GCM2: variants seen among roughly 807,000 people sequenced by gnomAD.
The protein encoded by GCM2 is chorion-specific transcription factor GCMb.
GCM2 carries 21 observed loss-of-function variants against 24.8 expected under a neutral mutation model. That is an observed-to-expected ratio of 0.85 (90% CI 0.60 to 1.22). GCM2 has a LOEUF of 1.22. Ranked by LOEUF, GCM2 falls within the 50% of genes most tolerant of loss-of-function variation. The pLI is 0.00. For missense variants in GCM2, 532 were observed against 645.6 expected (o/e 0.82, Z 1.91); for synonymous variants, 222 against 238.0 (o/e 0.93, Z 0.62).
chr6:10,881,724 T>C lies in GCM2; in HGVS notation c.70A>G (p.Asn24Asp). The change falls in exon 1 of 5, where the codon AAC (asparagine) becomes GAC (aspartate). Residue 24 changes from asparagine to aspartate, a missense_variant. By Grantham distance (23) the Asn-to-Asp change is conservative. Coordinates refer to ENST00000379491, the MANE Select transcript of GCM2 (RefSeq NM_004752.4). The stretch of plus-strand genomic sequence containing the variant: ...CTTACCTGAGGCATCTGCGGATCGT[T>C]GATGTCCCAGCTGAGCTGCATCCCG... ...SYGMQLSWDINDPQMPQELAL... is the reference protein window; with the variant it reads ...SYGMQLSWDIDDPQMPQELAL... 1.1e-5 allele frequency: 18 copies of C among 1,611,860 alleles called. No homozygotes were observed. Among genetic ancestry groups the C allele is most frequent in the Non-Finnish European group, 1.5e-5 (18 of 1,179,866 alleles).
chr6:10,879,227 T>C (rs571600071), intron 1 of GCM2, among the ~76,000 whole-genome samples: 4 of 152,218 alleles, frequency 2.6e-5, no homozygotes, highest in South Asian at 2.1e-4. Context: ...TAAATGCTAA[T>C]ATCTTTGTTT....
Position 10,874,839 on chromosome 6 carries a change from G to A in GCM2, c.677C>T (p.Pro226Leu), listed in dbSNP as rs1184751423. 1 of 1,613,738 alleles carries A rather than the reference G, an allele frequency of 6.2e-7. No individual in the cohort carries two copies. Among genetic ancestry groups the A allele is most frequent in the South Asian group, 1.1e-5 (1 of 91,064 alleles). Residue 226 changes from proline (P) to leucine (L), a missense_variant, in exon 5 of 5, where the codon CCT (proline) becomes CTT (leucine). By Grantham distance (98) the Pro-to-Leu change is moderately conservative. Transcript: ENST00000379491. ...DFDIVTETSF[P>L]IPGQPCPSFP... ...GGAAGGGCAAGGCTGCCCTGGAATA[G>A]GGAAGCTGGTTTCAGTAACTATATC...
Position 10,874,281 on chromosome 6 carries a change from G to C in GCM2, c.1235C>G (p.Ser412Trp). The C allele has an allele frequency of 6.2e-7, 1 of 1,614,206 alleles. No homozygotes were observed. Among genetic ancestry groups the C allele is most frequent in the Non-Finnish European group, 8.5e-7 (1 of 1,180,042 alleles). Reference sequence around the variant, plus strand: ...ATCTTCAGGAGCATAGTTACAGCTCGAAAGGCTCTTCACCTCTCGCACACT... The same window carrying C: ...ATCTTCAGGAGCATAGTTACAGCTCCAAAGGCTCTTCACCTCTCGCACACT... ...SDSVREVKSL[S>W]SCNYAPEDTG... is the part of the protein sequence containing the mutation. The change falls in exon 5 of 5, where the codon TCG becomes TGG. Residue 412 changes from serine (S) to tryptophan (W), a missense_variant. Ser to Trp is a radical substitution (Grantham distance 177, BLOSUM62 -3). Coordinates refer to ENST00000379491, the MANE Select transcript of GCM2 (RefSeq NM_004752.4).
At chr6:10,877,473 A>T (rs761515407) in intron 1 of GCM2, 81 bp from the exon 2 acceptor site, 7 of 1,439,718 alleles carry the variant, frequency 4.9e-6, no homozygotes, top group Non-Finnish European at 6.8e-6. Context: ...CTCTGAGCAC[A>T]TTAGGATACA....
chr6:10,881,170 T>TC (rs70991063), intron 1 of GCM2, among the ~76,000 whole-genome samples: 8 of 150,218 alleles, frequency 5.3e-5, no homozygotes, highest in African/African-American at 1.7e-4. Flanking sequence ...TTCTTCTTCT[T>TC]TTTTTGAGAT....
intron 1 of GCM2, among the ~76,000 whole-genome samples, 133 bp downstream of exon 1, chr6:10,881,551 GGTATGTGTGTGTGTGTGTGT>G (rs879055375): frequency 0.011 from 1,421 of 128,202 alleles, 22 homozygotes; most frequent in African/African-American, 0.032. Flanking sequence ...AAATTTTGCG[GGTATGTGTGTGTGTGTGTGT>G]GTGTGTGTGT....
In GCM2 at chr6:10,875,954, G is replaced by A. The variant is rs781711581; in HGVS notation, c.519C>T (p.Ser173=). 2.3e-5 allele frequency: 37 copies of A among 1,612,568 alleles called. No individual in the cohort carries two copies. The East Asian group carries it at 4.0e-4, about 17-fold the overall frequency. ...ESKSETEARR[S]AIKRQMASFY... Reference sequence around the variant, plus strand: ...AAGAGGCCATTTGTCTCTTGATGGCGCTTCTTCTAGCTTCTGTCTCTGATT... The same window carrying A: ...AAGAGGCCATTTGTCTCTTGATGGCACTTCTTCTAGCTTCTGTCTCTGATT... Residue 173 remains serine (S), a synonymous_variant, in exon 4 of 5, where the codon AGC becomes AGT. Transcript: ENST00000379491.
Position 10,882,001 on chromosome 6 carries a change from T to C in GCM2, c.-208A>G. The C allele has an allele frequency of 5.1e-6, 3 of 584,620 alleles. No homozygotes were observed. Among genetic ancestry groups the C allele is most frequent in the Non-Finnish European group, 6.1e-6 (2 of 326,074 alleles). The allele number at this position is 584,620 out of a possible 1,614,324, so 36.2% of individuals were successfully genotyped here. A position where few individuals can be genotyped will look rare whatever the true frequency, so the allele number is the denominator to read the frequency against. On this transcript the variant is annotated 5_prime_UTR_variant, in exon 1 of 5. Coordinates refer to ENST00000379491, the MANE Select transcript of GCM2 (RefSeq NM_004752.4). ...ATGGACCCGGGCGGGGCCTTGTCCT[T>C]GGCCGCGGTGCTGAACGTTCTCCAC...
chr6:10,877,053 G>T, intron 2 of GCM2, 87 bp downstream of exon 2: 3 of 1,508,604 alleles, frequency 2.0e-6, no homozygotes, highest in African/African-American at 1.4e-5. Context: ...ACAGAGTGAG[G>T]CTCCATCTCA....
chr6:10,876,583 T>C (rs768698947), intron 2 of GCM2, 26 bp from the exon 3 acceptor site: 17 of 1,432,748 alleles, frequency 1.2e-5, no homozygotes, highest in Admixed American at 3.4e-5. Flanking sequence ...GGGAGAAATA[T>C]TAACCCTGAC....
Position 10,874,166 on chromosome 6 carries a change from A to T in GCM2, c.1350T>A (p.Ile450=), listed in dbSNP as rs1204516970. 1 of 1,614,182 alleles carries T rather than the reference A, an allele frequency of 6.2e-7. No homozygotes were observed. The highest frequency in any genetic ancestry group is 8.5e-7 in the Non-Finnish European group (1 of 1,180,032). ...ASPSGPPPMK[I]AGDCRAIRPT... ...GTCTGATGGCCCGGCAATCTCCTGC[A>T]ATTTTCATAGGAGGTGGCCCTGAAG... The change falls in exon 5 of 5, where the codon ATT becomes ATA. Residue 450 remains isoleucine (I), a synonymous_variant. Coordinates refer to ENST00000379491, the MANE Select transcript of GCM2 (RefSeq NM_004752.4).
At chr6:10,876,994 C>T (rs911961479) in intron 2 of GCM2, 146 bp downstream of exon 2, 52 of 1,075,084 alleles carry the variant, frequency 4.8e-5, no homozygotes, top group African/African-American at 9.2e-5. Flanking sequence ...ACCCGGGAGG[C>T]GGAGGTTGCA....
intron 4 of GCM2, among the ~76,000 whole-genome samples, chr6:10,875,297 C>T (rs1779862010): frequency 1.3e-5 from 2 of 152,214 alleles, no homozygotes; most frequent in South Asian, 2.1e-4. Flanking sequence ...AGCCACTTAA[C>T]CTCTCTGAGC....
At chr6:10,879,351 G>A (rs966695771) in intron 1 of GCM2, among the ~76,000 whole-genome samples, 12 of 152,114 alleles carry the variant, frequency 7.9e-5, no homozygotes, top group African/African-American at 2.9e-4. Context: ...TGCCTCACAC[G>A]AGCTACTGAG....
chr6:10,878,607 C>T (rs1374477621), intron 1 of GCM2, among the ~76,000 whole-genome samples: 1 of 152,186 alleles, frequency 6.6e-6, no homozygotes, highest in African/African-American at 2.4e-5. Context: ...CATAAGCCAC[C>T]ATGCCCGGCC....
intron 2 of GCM2, 110 bp from the exon 3 acceptor site, chr6:10,876,667 C>T (rs548253737): frequency 1.0e-4 from 78 of 769,728 alleles, no homozygotes; most frequent in African/African-American, 7.9e-4. Context: ...CGGTGGCTCA[C>T]GCCTGTAATC....
intron 1 of GCM2, among the ~76,000 whole-genome samples, chr6:10,878,050 A>T (rs1293211265): frequency 1.3e-5 from 2 of 152,142 alleles, no homozygotes; most frequent in Non-Finnish European, 2.9e-5. Flanking sequence ...CCAAGTTTAA[A>T]AGGGTACTGC....
intron 3 of GCM2, 58 bp downstream of exon 3, chr6:10,876,387 T>C (rs1581805680): frequency 1.8e-6 from 2 of 1,125,494 alleles, no homozygotes; most frequent in Non-Finnish European, 2.7e-6. Flanking sequence ...ACAGGTGGTT[T>C]GGCCTTTGTG....
Position 10,874,459 on chromosome 6 carries a change from C to T in GCM2, c.1057G>A (p.Ala353Thr). ...VERTNHGQFQ[A>T]MATRPYYNPE... Reference sequence around the variant, plus strand: ...TTATAATAAGGGCGAGTGGCCATGGCCTGAAACTGCCCATGGTTAGTCCTT... The same window carrying T: ...TTATAATAAGGGCGAGTGGCCATGGTCTGAAACTGCCCATGGTTAGTCCTT... The change falls in exon 5 of 5, where the codon GCC becomes ACC. Residue 353 changes from alanine (A) to threonine (T), a missense_variant. By Grantham distance (58) the Ala-to-Thr change is moderately conservative (BLOSUM62 0). Transcript: ENST00000379491. The T allele has an allele frequency of 6.2e-7, 1 of 1,614,160 alleles. No individual in the cohort carries two copies. Among genetic ancestry groups the T allele is most frequent in the Non-Finnish European group, 8.5e-7 (1 of 1,180,008 alleles).
Sources: gnomAD v4.1 joint callset for allele counts (sites outside exome capture counted in the v4.1 genomes callset) on GRCh38, gnomAD v4.1.1 for gene constraint, MANE v1.5 for transcripts, NCBI Gene and HGNC (gene_info 2026-07-23, HGNC 2026-07-21) for gene names.